Variants in PBLD observed in about 807,000 individuals in gnomAD.
PBLD encodes phenazine biosynthesis like protein domain containing.
A neutral mutation model predicts 31.3 loss-of-function variants in PBLD; 26 were observed. The observed-to-expected ratio is 0.83, with a 90% CI of 0.61 to 1.15. The LOEUF (loss-of-function observed/expected upper bound fraction) is 1.15. Ranked by LOEUF, PBLD falls within the 50% of genes most tolerant of loss-of-function variation. The probability of loss-of-function intolerance (pLI) is 0.00; values close to 1 mark genes in which losing one functional copy is unlikely to be tolerated. For missense variants in PBLD, 307 were observed against 351.7 expected, an observed-to-expected ratio of 0.87 and a Z score of 1.02; for synonymous variants, 114 against 129.0, an observed-to-expected ratio of 0.88 and a Z score of 0.79.
intron 2 of PBLD, among the ~76,000 whole-genome samples, chr10:68,298,342 T>A (rs2044458978): frequency 6.6e-6 from 1 of 152,090 alleles, no homozygotes; most frequent in Admixed American, 6.6e-5. Flanking sequence ...ATGCCTATAA[T>A]CCCAGCACTT....
chr10:68,288,293 T>TCCACCTGC lies in PBLD; in HGVS notation c.691+182_691+189dup, dbSNP rs143329939. 5,450 of 627,208 alleles carry TCCACCTGC rather than the reference T, an allele frequency of 8.7e-3. 209 individuals are homozygous for TCCACCTGC. The African/African-American group carries it at 0.088, about 10-fold the overall frequency. The allele number at this position is 627,208 out of a possible 1,614,324, so 38.9% of individuals were successfully genotyped here. ...CTGACACTCAGGTTTAACCCTGTTA[T>TCCACCTGC]CCACCTGCTCTATTTTATGTTTTTC... On this transcript the variant is annotated intron_variant, in intron 8 of 9. Coordinates refer to ENST00000358769, the MANE Select transcript of PBLD (RefSeq NM_022129.4).
At chr10:68,297,922 C>T (rs1589654301) in intron 2 of PBLD, among the ~76,000 whole-genome samples, 1 of 144,256 alleles carries the variant, frequency 6.9e-6, no homozygotes, top group Non-Finnish European at 1.5e-5. Context: ...GCCTGGGTAA[C>T]ATAGTAAGAC....
At chr10:68,311,386 A>T (rs1327462777) in intron 1 of PBLD, among the ~76,000 whole-genome samples, 1 of 152,056 alleles carries the variant, frequency 6.6e-6, no homozygotes. Flanking sequence ...GAAGATTGAG[A>T]CCATCCTGAC....
At chr10:68,299,966 C>T (rs138549866) in intron 2 of PBLD, among the ~76,000 whole-genome samples, 83 of 152,148 alleles carry the variant, frequency 5.5e-4, no homozygotes, top group African/African-American at 1.8e-3. Context: ...TCTCAGCTCA[C>T]TGCGATCTAT....
At chr10:68,291,716 G>T (rs970270167) in intron 6 of PBLD, among the ~76,000 whole-genome samples, 5 of 152,038 alleles carry the variant, frequency 3.3e-5, no homozygotes, top group African/African-American at 1.2e-4. Flanking sequence ...ATTTCCTTAA[G>T]ACATCCTATT....
At position 68,283,279 on chromosome 10, in the gene PBLD, T is replaced by C. The variant is rs185284991; in HGVS notation, c.*898A>G. The C allele has an allele frequency of 2.0e-5, 3 of 152,322 alleles. No individual in the cohort carries two copies. The highest frequency in any genetic ancestry group is 4.4e-5 in the Non-Finnish European group (3 of 68,032). 9.4% of individuals were successfully genotyped at this position (152,322 alleles called of 1,614,324 possible). A position where few individuals can be genotyped will look rare whatever the true frequency, so the allele number is the denominator to read the frequency against. On this transcript the variant is annotated 3_prime_UTR_variant, in exon 10 of 10. Coordinates refer to ENST00000358769, the MANE Select transcript of PBLD (RefSeq NM_022129.4). Reference sequence around the variant, plus strand: ...AATTTTCTGGATTCATCCTGATTTTTAGTCTTCGTACCTGAGTACAACAAT... The same window carrying C: ...AATTTTCTGGATTCATCCTGATTTTCAGTCTTCGTACCTGAGTACAACAAT...
chr10:68,320,451 C>T (rs376734809), intron 1 of PBLD, among the ~76,000 whole-genome samples: 11 of 152,170 alleles, frequency 7.2e-5, no homozygotes, highest in Non-Finnish European at 1.6e-4. Context: ...CCACAAGGCA[C>T]TGGTTCCAGG....
intron 4 of PBLD, among the ~76,000 whole-genome samples, chr10:68,292,572 C>A (rs563537900): frequency 1.3e-4 from 20 of 151,804 alleles, no homozygotes; most frequent in African/African-American, 4.8e-4. Context: ...TGCAGTGGCA[C>A]GATCTCAGCT....
At chr10:68,323,722 T>A (rs2044871004) in intron 1 of PBLD, among the ~76,000 whole-genome samples, 1 of 152,220 alleles carries the variant, frequency 6.6e-6, no homozygotes, top group Admixed American at 6.5e-5. Context: ...GTATACTTCC[T>A]TTTATGTAGA....
chr10:68,310,353 T>C (rs1227571393), intron 1 of PBLD, among the ~76,000 whole-genome samples: 1 of 118,796 alleles, frequency 8.4e-6, no homozygotes, highest in South Asian at 2.7e-4. Context: ...ATGTACAATA[T>C]AATGTTTTGA....
chr10:68,300,456 A>C (rs10047388), intron 2 of PBLD, among the ~76,000 whole-genome samples: 119,683 of 152,008 alleles, frequency 0.79, 47,756 homozygotes, highest in Non-Finnish European at 0.86. Context: ...AGCAATAAAT[A>C]AATTAATGAG....
rs1357645439 is a variant in PBLD at position 68,283,401 on chromosome 10, A to G, written c.*776T>C. On this transcript the variant is annotated 3_prime_UTR_variant, in exon 10 of 10. Coordinates refer to ENST00000358769, the MANE Select transcript of PBLD (RefSeq NM_022129.4). ...TTGCTATTTTTAATGGCCCATGCTTATTTATATAGACATAGCATAACACTG... is the reference window on the plus strand; with the variant it reads ...TTGCTATTTTTAATGGCCCATGCTTGTTTATATAGACATAGCATAACACTG... 6.6e-6 allele frequency: 1 copy of G among 152,156 alleles called. No individual in the cohort carries two copies. Among genetic ancestry groups the G allele is most frequent in the African/African-American group, 2.4e-5 (1 of 41,446 alleles). 9.4% of individuals were successfully genotyped at this position (152,156 alleles called of 1,614,324 possible).
chr10:68,314,424 T>C (rs994129702), intron 1 of PBLD, among the ~76,000 whole-genome samples: 2 of 152,204 alleles, frequency 1.3e-5, no homozygotes, highest in Non-Finnish European at 2.9e-5. Flanking sequence ...CTTGCCCTAG[T>C]TGATACTCTC....
chr10:68,292,512 C>T (rs918871763), intron 4 of PBLD, among the ~76,000 whole-genome samples: 1 of 147,168 alleles, frequency 6.8e-6, no homozygotes, highest in African/African-American at 2.5e-5. Context: ...ACTTAGCCTC[C>T]TTTTTTTTTT....
intron 2 of PBLD, among the ~76,000 whole-genome samples, chr10:68,297,548 C>T (rs936101342): frequency 1.3e-5 from 2 of 152,224 alleles, no homozygotes; most frequent in South Asian, 4.1e-4. Context: ...TGTCTGGCCT[C>T]GCCACCTCTG....
At chr10:68,315,070 G>A (rs1194980994) in intron 1 of PBLD, among the ~76,000 whole-genome samples, 1 of 152,138 alleles carries the variant, frequency 6.6e-6, no homozygotes, top group Non-Finnish European at 1.5e-5. Flanking sequence ...GATCACAGGT[G>A]TGAGCCACCG....
In PBLD at chr10:68,292,166, A is replaced by T. The variant is rs577153589; in HGVS notation, c.356T>A (p.Ile119Asn). 6.2e-7 allele frequency: 1 copy of T among 1,613,968 alleles called. No homozygotes were observed. The highest frequency in any genetic ancestry group is 1.7e-5 in the Admixed American group (1 of 60,008). ...ELRARRAEDG[I>N]VLDLPLYPAH... is the part of the protein sequence containing the mutation. ...TGGATAAAGAGGCAAGTCCAGGACG[A>T]TGCCATCCTCTGCTCGTCTGGCCCT... is the stretch of plus-strand genomic sequence containing the variant. Residue 119 changes from isoleucine to asparagine, a missense_variant, in exon 5 of 10, where the codon ATC (isoleucine) becomes AAC (asparagine). Physicochemically the swap from Ile to Asn is moderately radical, Grantham distance 149. Coordinates refer to ENST00000358769, the MANE Select transcript of PBLD (RefSeq NM_022129.4).
chr10:68,289,301 G>A (rs1037984365), intron 6 of PBLD, among the ~76,000 whole-genome samples: 17 of 152,120 alleles, frequency 1.1e-4, no homozygotes, highest in Non-Finnish European at 2.4e-4. Context: ...GCTGAGGTAG[G>A]TGGATCACCT....
chr10:68,289,104 A>C lies in PBLD; in HGVS notation c.424-85T>G. ...TGAAATGGGAAATGACCTCTCATTG[A>C]GCATCCACTGTGAGCCAAGCATGCC... On this transcript the variant is annotated intron_variant, in intron 6 of 9. Coordinates refer to ENST00000358769, the MANE Select transcript of PBLD (RefSeq NM_022129.4). The C allele has an allele frequency of 5.9e-6, 6 of 1,012,784 alleles. No homozygotes were observed. The South Asian group carries it at 8.1e-5, about 14-fold the overall frequency. 62.7% of individuals were successfully genotyped at this position (1,012,784 alleles called of 1,614,324 possible). A position where few individuals can be genotyped will look rare whatever the true frequency, so the allele number is the denominator to read the frequency against.
Sources: allele counts gnomAD v4.1 joint callset (sites outside exome capture counted in the v4.1 genomes callset), GRCh38; gene constraint gnomAD v4.1.1; transcripts MANE v1.5; gene names NCBI Gene and HGNC (gene_info 2026-07-23, HGNC 2026-07-21).